Variants in AFF2 observed in about 807,000 individuals in gnomAD.
AFF2 encodes AF4/FMR2 family member 2.
A neutral mutation model predicts 76.9 loss-of-function variants in AFF2; 14 were observed. That is an observed-to-expected ratio of 0.18 (90% CI 0.12 to 0.28). The LOEUF (loss-of-function observed/expected upper bound fraction) is 0.28. Ranked by LOEUF, AFF2 falls within the 10% of genes least tolerant of loss-of-function variation. AFF2 has a pLI of 1.00. For synonymous variants in AFF2, 398 were observed against 366.7 expected, an observed-to-expected ratio of 1.09 and a Z score of -0.98; for missense variants, 868 against 1,001.1, an observed-to-expected ratio of 0.87 and a Z score of 1.79.
Position 148,694,810 on chromosome X carries a change from C to CTT in AFF2, c.1041+32064_1041+32065dup, listed in dbSNP as rs34803945. ...ACCATGAACAAGGTATCACAAAGCA[C>CTT]TTTTTTTTTTTTTTTTTTTTTTTGA... On this transcript the variant is annotated intron_variant, in intron 3 of 20. Transcript: ENST00000370460. Among the ~76,000 whole-genome samples, 125 of 49,090 alleles carry CTT rather than the reference C, an allele frequency of 2.5e-3. 2 individuals are homozygous for CTT. The highest frequency in any genetic ancestry group is 3.0e-3 in the Non-Finnish European group (81 of 27,278). The allele number at this position is 49,090 out of a possible 115,157, so 42.6% of individuals were successfully genotyped here. A position where few individuals can be genotyped will look rare whatever the true frequency, so the allele number is the denominator to read the frequency against.
intron 19 of AFF2, among the ~76,000 whole-genome samples, chrX:148,984,774 G>T (rs983675535): frequency 8.1e-5 from 9 of 111,646 alleles, no homozygotes; most frequent in African/African-American, 2.9e-4. Context: ...AAAGAGAGAT[G>T]ATTTGGTTTC....
chrX:148,656,344 C>T (rs923909206), intron 2 of AFF2, among the ~76,000 whole-genome samples: 5 of 111,686 alleles, frequency 4.5e-5, no homozygotes. Flanking sequence ...AAGGAACTGG[C>T]ATGTAACAAG....
At chrX:148,601,613 C>CT (rs1235798028) in intron 1 of AFF2, among the ~76,000 whole-genome samples, 6 of 111,034 alleles carry the variant, frequency 5.4e-5, no homozygotes, top group Admixed American at 4.8e-4. Context: ...ACAGGCATAT[C>CT]TTTTTTTTCT....
At chrX:148,853,390 C>T (rs997209041) in intron 7 of AFF2, among the ~76,000 whole-genome samples, 1 of 111,318 alleles carries the variant, frequency 9.0e-6, no homozygotes, top group South Asian at 3.8e-4. Context: ...GCTCTCACTC[C>T]CCTGTCATGT....
At chrX:148,796,845 C>T (rs894756386) in intron 3 of AFF2, among the ~76,000 whole-genome samples, 1 of 112,148 alleles carries the variant, frequency 8.9e-6, no homozygotes, top group Non-Finnish European at 1.9e-5. Flanking sequence ...AGCAAAGTAT[C>T]GATTATATTT....
At chrX:148,680,963 A>G (rs1169648046) in intron 3 of AFF2, among the ~76,000 whole-genome samples, 1 of 111,512 alleles carries the variant, frequency 9.0e-6, no homozygotes. Flanking sequence ...TACTCAAACC[A>G]TTTTTCATGC....
At chrX:148,786,814 A>G (rs1331125739) in intron 3 of AFF2, among the ~76,000 whole-genome samples, 3 of 111,615 alleles carry the variant, frequency 2.7e-5, no homozygotes, top group East Asian at 2.8e-4. Context: ...AACTCCTACA[A>G]TGATGTCCAG....
At chrX:148,689,601 AATG>A (rs1446253131) in intron 3 of AFF2, among the ~76,000 whole-genome samples, 1 of 111,375 alleles carries the variant, frequency 9.0e-6, no homozygotes, top group Non-Finnish European at 1.9e-5. Flanking sequence ...CTTAAGGAGC[AATG>A]ATGATAGGCT....
chrX:148,800,163 A>G lies in AFF2; in HGVS notation c.1042-9713A>G, dbSNP rs1394472432. ...GGGAGCTGGCGAGGATTCAGTTCCCATGCACATGGCTTGTTCTTTAGGATC... is the reference window on the plus strand; with the variant it reads ...GGGAGCTGGCGAGGATTCAGTTCCCGTGCACATGGCTTGTTCTTTAGGATC... On this transcript the variant is annotated intron_variant, in intron 3 of 20. Coordinates refer to ENST00000370460, the MANE Select transcript of AFF2 (RefSeq NM_002025.4). Among the ~76,000 whole-genome samples the G allele has an allele frequency of 3.6e-5, 4 of 112,178 alleles. No individual in the cohort carries two copies. The Admixed American group carries it at 3.8e-4, about 11-fold the overall frequency.
intron 1 of AFF2, among the ~76,000 whole-genome samples, chrX:148,535,164 C>T (rs933232239): frequency 5.4e-5 from 6 of 111,670 alleles, no homozygotes; most frequent in Non-Finnish European, 1.1e-4. Flanking sequence ...GAATAATAGT[C>T]ACTCAATATG....
At chrX:148,577,121 T>C (rs1276498278) in intron 1 of AFF2, among the ~76,000 whole-genome samples, 1 of 111,897 alleles carries the variant, frequency 8.9e-6, no homozygotes, top group Non-Finnish European at 1.9e-5. Context: ...TGTTATTAGG[T>C]TGTAAGATTT....
intron 1 of AFF2, among the ~76,000 whole-genome samples, chrX:148,581,514 G>A (rs889520709): frequency 1.1e-5 from 1 of 91,801 alleles, no homozygotes; most frequent in African/African-American, 4.6e-5. Context: ...ATACGTATAC[G>A]TCTACGTGTA....
At chrX:148,561,540 T>C (rs1557240674) in intron 1 of AFF2, among the ~76,000 whole-genome samples, 1 of 111,872 alleles carries the variant, frequency 8.9e-6, no homozygotes, top group Non-Finnish European at 1.9e-5. Flanking sequence ...TATCTGGCTT[T>C]ATTCTAGGGT....
chrX:148,796,049 T>C (rs1388075052), intron 3 of AFF2, among the ~76,000 whole-genome samples: 1 of 105,991 alleles, frequency 9.4e-6, no homozygotes, highest in Admixed American at 1.0e-4. Context: ...TCCCTCTTCT[T>C]CATGATAATG....
intron 1 of AFF2, among the ~76,000 whole-genome samples, chrX:148,537,041 A>T (rs1234858203): frequency 8.9e-6 from 1 of 112,612 alleles, no homozygotes; most frequent in Non-Finnish European, 1.9e-5. Flanking sequence ...TAAATTCTAA[A>T]CTTTGCTCAG....
At chrX:148,573,579 A>G (rs941703188) in intron 1 of AFF2, among the ~76,000 whole-genome samples, 2 of 111,083 alleles carry the variant, frequency 1.8e-5, no homozygotes, top group Non-Finnish European at 3.8e-5. Context: ...GACATCAGGG[A>G]TCTTTTAAAA....
intron 8 of AFF2, among the ~76,000 whole-genome samples, chrX:148,887,061 C>T (rs1310424959): frequency 8.9e-6 from 1 of 112,863 alleles, no homozygotes; most frequent in African/African-American, 3.2e-5. Flanking sequence ...GTGGCCAAAA[C>T]TTTTGTCTAC....
intron 3 of AFF2, among the ~76,000 whole-genome samples, chrX:148,721,034 T>C (rs1306505895): frequency 8.9e-6 from 1 of 112,000 alleles, no homozygotes; most frequent in East Asian, 2.8e-4. Flanking sequence ...GTTTAGTTGA[T>C]TGAAAGCCTC....
chrX:148,749,649 A>G (rs1406100277), intron 3 of AFF2, among the ~76,000 whole-genome samples: 1 of 111,174 alleles, frequency 9.0e-6, no homozygotes, highest in East Asian at 2.8e-4. Flanking sequence ...TATGGTCAGA[A>G]GTGGCCCAGC....
Sources: allele counts gnomAD v4.1 joint callset (sites outside exome capture counted in the v4.1 genomes callset), GRCh38; gene constraint gnomAD v4.1.1; transcripts MANE v1.5; gene names NCBI Gene and HGNC (gene_info 2026-07-23, HGNC 2026-07-21).